The following DUSP1 variants were observed in gnomAD, a reference collection of about 807,000 sequenced individuals.
The protein encoded by DUSP1 is dual specificity protein phosphatase 1.
A neutral mutation model predicts 27.4 loss-of-function variants in DUSP1; 10 were observed. The observed-to-expected ratio is 0.37, with a 90% CI of 0.23 to 0.62. The LOEUF (loss-of-function observed/expected upper bound fraction) is 0.62. DUSP1 is among the 20% of genes least tolerant of loss of function. The pLI, the probability that DUSP1 is intolerant of heterozygous loss-of-function variation, is 0.68. For synonymous variants in DUSP1, 262 were observed against 223.6 expected (o/e 1.17, Z -1.53); for missense variants, 425 against 508.1 (o/e 0.84, Z 1.57).
chr5:172,770,492 G>C, intron 1 of DUSP1, 94 bp downstream of exon 1: 2 of 1,479,742 alleles, frequency 1.4e-6, no homozygotes, highest in Non-Finnish European at 1.8e-6. Context: ...CCCACGCGCT[G>C]CAGGTGGGGC....
At position 172,769,109 on chromosome 5, in the gene DUSP1, T is replaced by C; in HGVS notation, c.757A>G (p.Arg253Gly). The change falls in exon 4 of 4, where the codon AGG becomes GGG. Residue 253 changes from arginine to glycine, a missense_variant. Transcript: ENST00000239223. The part of the protein sequence containing the change: ...FIDSIKNAGG[R>G]VFVHCQAGIS... The stretch of plus-strand genomic sequence containing the variant: ...CCTGCCTGGCAGTGGACAAACACCC[T>C]TCCTCCAGCATTCTTGATGGAGTCT... 1 of 1,610,712 alleles carries C rather than the reference T, an allele frequency of 6.2e-7. No homozygotes were observed. Among genetic ancestry groups the C allele is most frequent in the East Asian group, 2.2e-5 (1 of 44,872 alleles).
intron 3 of DUSP1, 91 bp from the exon 4 acceptor site, chr5:172,769,223 T>C: frequency 2.7e-6 from 4 of 1,508,238 alleles, no homozygotes; most frequent in South Asian, 1.3e-5. Context: ...GTCATGTGTG[T>C]CTTGTCTAGA....
Position 172,769,616 on chromosome 5 carries a change from GCCTTGTGGTTGT to G in DUSP1, c.680_691del (p.Asp227_Lys230del). The G allele has an allele frequency of 6.2e-7, 1 of 1,614,218 alleles. No homozygotes were observed. Among genetic ancestry groups the G allele is most frequent in the Non-Finnish European group, 8.5e-7 (1 of 1,180,022 alleles). ...CTCGTTGAACCAGGAGCTGATGTCTGCCTTGTGGTTGTCCTCCACAGGGATGCTCTTGTACTG... is the reference window on the plus strand; with the variant it reads ...CTCGTTGAACCAGGAGCTGATGTCTGCCTCCACAGGGATGCTCTTGTACTG... On this transcript the variant is annotated inframe_deletion, in exon 3 of 4. Coordinates refer to ENST00000239223, the MANE Select transcript of DUSP1 (RefSeq NM_004417.4).
Position 172,770,629 on chromosome 5 carries a change from C to G in DUSP1, c.324G>C (p.Ala108=). The G allele has an allele frequency of 1.5e-6, 2 of 1,311,292 alleles. No individual in the cohort carries two copies. Among genetic ancestry groups the G allele is most frequent in the Non-Finnish European group, 1.9e-6 (2 of 1,037,564 alleles). 81.2% of individuals were successfully genotyped at this position (1,311,292 alleles called of 1,614,324 possible). The change falls in exon 1 of 4, where the codon GCG becomes GCC. Residue 108 remains alanine (A), a synonymous_variant. Transcript: ENST00000239223. ...RDGTLALAAG[A]LCREARAAQV... is the part of the protein sequence containing the mutation. ...GCGCGGCGCGCGCCTCGCGGCAGAG[C>G]GCGCCGGCCGCCAGGGCCAGGGTGC... is the stretch of plus-strand genomic sequence containing the variant.
chr5:172,770,206 G>A lies in DUSP1; in HGVS notation c.468C>T (p.Ser156=). The A allele has an allele frequency of 6.3e-7, 1 of 1,599,600 alleles. No homozygotes were observed. The highest frequency in any genetic ancestry group is 8.5e-7 in the Non-Finnish European group (1 of 1,175,340). The change falls in exon 2 of 4, where the codon AGC becomes AGT. Residue 156 remains serine, a synonymous_variant. Transcript: ENST00000239223. ...TGCAGGAACTGCACCCAGATTCCGC[G>A]CTGTCAGGGACGCTAGTACTCAGGG... ...SLPLSTSVPD[S]AESGCSSCST...
At position 172,768,817 on chromosome 5, in the gene DUSP1, G is replaced by C. The variant is rs140606584; in HGVS notation, c.1049C>G (p.Thr350Arg). 2.0e-5 allele frequency: 32 copies of C among 1,574,164 alleles called. No individual in the cohort carries two copies. The highest frequency in any genetic ancestry group is 2.8e-5 in the Non-Finnish European group (32 of 1,158,574). The part of the protein sequence containing the change: ...NFPVSIPVHS[T>R]NSALSYLQSP... The stretch of plus-strand genomic sequence containing the variant: ...CTGAAGGTAGCTCAGCGCACTGTTC[G>C]TGGAGTGGACAGGGATGGAGACGGG... The change falls in exon 4 of 4, where the codon ACG (threonine) becomes AGG (arginine). Residue 350 changes from threonine (T) to arginine (R), a missense_variant. Thr to Arg is a moderately conservative substitution (Grantham distance 71). Transcript: ENST00000239223.
At position 172,768,600 on chromosome 5, in the gene DUSP1, G is replaced by T; in HGVS notation, c.*162C>A. 1 of 980,548 alleles carries T rather than the reference G, an allele frequency of 1.0e-6. No homozygotes were observed. Among genetic ancestry groups the T allele is most frequent in the South Asian group, 3.2e-5 (1 of 30,890 alleles). 60.7% of individuals were successfully genotyped at this position (980,548 alleles called of 1,614,324 possible). ...TGCTGAGTTCAGCAAATGTCTTGAC[G>T]CTAAGTCATCACCATAACTGCTTAG... On this transcript the variant is annotated 3_prime_UTR_variant, in exon 4 of 4. Transcript: ENST00000239223.
Position 172,769,742 on chromosome 5 carries a change from G to T in DUSP1, c.566C>A (p.Ala189Asp). The T allele has an allele frequency of 6.2e-7, 1 of 1,614,274 alleles. No individual in the cohort carries two copies. The highest frequency in any genetic ancestry group is 8.5e-7 in the Non-Finnish European group (1 of 1,180,050). ...PFLYLGSAYH[A>D]SRKDMLDALG... The stretch of plus-strand genomic sequence containing the variant: ...GGCATCCAGCATGTCCTTGCGGGAA[G>T]CGTGATACGCACTGCCCAGGTACAG... Residue 189 changes from alanine to aspartate, a missense_variant, in exon 3 of 4, where the codon GCT becomes GAT. Ala to Asp is a moderately radical substitution (Grantham distance 126, BLOSUM62 -2). Around this residue, in one of 3 missense-constraint regions of DUSP1, gnomAD observed 282 missense variants for 319.3 expected, o/e 0.88. Coordinates refer to ENST00000239223, the MANE Select transcript of DUSP1 (RefSeq NM_004417.4).
Position 172,770,697 on chromosome 5 carries a change from G to C in DUSP1, c.256C>G (p.Leu86Val). Residue 86 changes from leucine (L) to valine (V), a missense_variant, in exon 1 of 4, where the codon CTG (leucine) becomes GTG (valine). Leu to Val is a conservative substitution (Grantham distance 32, BLOSUM62 1). Around this residue, in one of 3 missense-constraint regions of DUSP1, gnomAD observed 282 missense variants for 319.3 expected, o/e 0.88. Transcript: ENST00000239223. Reference sequence around the variant, plus strand: ...TCCAGGGCGGCGCTGCGCTCGTCCAGCAACACCACGGCGTGGTAGGCGCCG... The same window carrying C: ...TCCAGGGCGGCGCTGCGCTCGTCCACCAACACCACGGCGTGGTAGGCGCCG... ...LAGAYHAVVL[L>V]DERSAALDGA... 7.3e-7 allele frequency: 1 copy of C among 1,379,292 alleles called. No homozygotes were observed. 85.4% of individuals were successfully genotyped at this position (1,379,292 alleles called of 1,614,324 possible). A position where few individuals can be genotyped will look rare whatever the true frequency, so the allele number is the denominator to read the frequency against.
intron 3 of DUSP1, 125 bp from the exon 4 acceptor site, chr5:172,769,257 A>G (rs1478399392): frequency 1.8e-5 from 25 of 1,405,060 alleles, no homozygotes; most frequent in Non-Finnish European, 2.3e-5. Flanking sequence ...ACCACATGCC[A>G]TCACATGGAT....
At position 172,768,593 on chromosome 5, in the gene DUSP1, T is replaced by C. The variant is rs915293203; in HGVS notation, c.*169A>G. 6.6e-6 allele frequency: 6 copies of C among 913,984 alleles called. No individual in the cohort carries two copies. The African/African-American group carries it at 1.0e-4, about 16-fold the overall frequency. The allele number at this position is 913,984 out of a possible 1,614,324, so 56.6% of individuals were successfully genotyped here. A position where few individuals can be genotyped will look rare whatever the true frequency, so the allele number is the denominator to read the frequency against. Reference sequence around the variant, plus strand: ...CCGAATGTGCTGAGTTCAGCAAATGTCTTGACGCTAAGTCATCACCATAAC... The same window carrying C: ...CCGAATGTGCTGAGTTCAGCAAATGCCTTGACGCTAAGTCATCACCATAAC... On this transcript the variant is annotated 3_prime_UTR_variant, in exon 4 of 4. Transcript: ENST00000239223.
chr5:172,769,754 C>T lies in DUSP1; in HGVS notation c.554G>A (p.Ser185Asn), dbSNP rs1329654880. Reference sequence around the variant, plus strand: ...GTCCTTGCGGGAAGCGTGATACGCACTGCCCAGGTACAGAAAGGGCAGGAT... The same window carrying T: ...GTCCTTGCGGGAAGCGTGATACGCATTGCCCAGGTACAGAAAGGGCAGGAT... ...VEILPFLYLGSAYHASRKDML... is the reference protein window; with the variant it reads ...VEILPFLYLGNAYHASRKDML... Residue 185 changes from serine to asparagine, a missense_variant, in exon 3 of 4, where the codon AGT becomes AAT. By Grantham distance (46) the Ser-to-Asn change is conservative. Around this residue, in one of 3 missense-constraint regions of DUSP1, gnomAD observed 282 missense variants for 319.3 expected, o/e 0.88. Coordinates refer to ENST00000239223, the MANE Select transcript of DUSP1 (RefSeq NM_004417.4). The T allele has an allele frequency of 1.9e-6, 3 of 1,614,248 alleles. No individual in the cohort carries two copies. The highest frequency in any genetic ancestry group is 2.5e-6 in the Non-Finnish European group (3 of 1,180,052).
In DUSP1 at chr5:172,770,314, T is replaced by A; in HGVS notation, c.368-8A>T. 6.2e-7 allele frequency: 1 copy of A among 1,610,376 alleles called. No homozygotes were observed. The highest frequency in any genetic ancestry group is 1.1e-5 in the South Asian group (1 of 90,532). On this transcript the variant is annotated splice_polypyrimidine_tract_variant and splice_region_variant and intron_variant, in intron 1 of 3. Coordinates refer to ENST00000239223, the MANE Select transcript of DUSP1 (RefSeq NM_004417.4). ...AAAACGCTTCGTATCCTCCTGGGAATACAAAGACATTTTTTTTCCCCATTA... is the reference window on the plus strand; with the variant it reads ...AAAACGCTTCGTATCCTCCTGGGAAAACAAAGACATTTTTTTTCCCCATTA...
At position 172,769,663 on chromosome 5, in the gene DUSP1, C is replaced by A; in HGVS notation, c.645G>T (p.Glu215Asp). 6.2e-7 allele frequency: 1 copy of A among 1,614,260 alleles called. No individual in the cohort carries two copies. Among genetic ancestry groups the A allele is most frequent in the Non-Finnish European group, 8.5e-7 (1 of 1,180,048 alleles). The change falls in exon 3 of 4, where the codon GAG (glutamate) becomes GAT (aspartate). Residue 215 changes from glutamate to aspartate, a missense_variant. Physicochemically the swap from Glu to Asp is conservative, Grantham distance 45. This residue lies in a region of DUSP1 where 282 missense variants were observed against 319.3 expected (regional missense o/e 0.88). Coordinates refer to ENST00000239223, the MANE Select transcript of DUSP1 (RefSeq NM_004417.4). Reference protein sequence around the residue: ...NVSANCPNHFEGHYQYKSIPV... With the variant: ...NVSANCPNHFDGHYQYKSIPV... The stretch of plus-strand genomic sequence containing the variant: ...GGATGCTCTTGTACTGGTAGTGACC[C>A]TCAAAATGGTTGGGACAATTGGCTG...
rs1388341855 is a variant in DUSP1 at position 172,769,112 on chromosome 5, C to T, written c.754G>A (p.Gly252Arg). The T allele has an allele frequency of 6.2e-7, 1 of 1,609,430 alleles. No individual in the cohort carries two copies. The highest frequency in any genetic ancestry group is 8.5e-7 in the Non-Finnish European group (1 of 1,179,254). Reference protein sequence around the residue: ...DFIDSIKNAGGRVFVHCQAGI... With the variant: ...DFIDSIKNAGRRVFVHCQAGI... The stretch of plus-strand genomic sequence containing the variant: ...GCCTGGCAGTGGACAAACACCCTTC[C>T]TCCAGCATTCTTGATGGAGTCTGGA... Residue 252 changes from glycine (G) to arginine (R), a missense_variant, in exon 4 of 4, where the codon GGA (glycine) becomes AGA (arginine). By Grantham distance (125) the Gly-to-Arg change is moderately radical (BLOSUM62 -2). Transcript: ENST00000239223.
In DUSP1 at chr5:172,769,147, G is replaced by C; in HGVS notation, c.734-15C>G. The C allele has an allele frequency of 6.3e-7, 1 of 1,593,608 alleles. No homozygotes were observed. The highest frequency in any genetic ancestry group is 1.1e-5 in the South Asian group (1 of 90,074). ...CTTGATGGAGTCTGGAAAACCAAAG[G>C]AGCGGCTGGTTACTTGAGAGTTCAG... On this transcript the variant is annotated splice_polypyrimidine_tract_variant and intron_variant, in intron 3 of 3. Transcript: ENST00000239223.
Position 172,768,945 on chromosome 5 carries a change from C to T in DUSP1, c.921G>A (p.Gln307=), listed in dbSNP as rs376856024. The T allele has an allele frequency of 6.2e-7, 1 of 1,614,238 alleles. No individual in the cohort carries two copies. The highest frequency in any genetic ancestry group is 2.2e-5 in the East Asian group (1 of 44,890). The change falls in exon 4 of 4, where the codon CAG becomes CAA. Residue 307 remains glutamine (Q), a synonymous_variant. Coordinates refer to ENST00000239223, the MANE Select transcript of DUSP1 (RefSeq NM_004417.4). ...GCGGAGCCAGCACCTGGGACTCAAA[C>T]TGCAGCAGCTGGCCCATGAAGCTGA... ...PNFSFMGQLL[Q]FESQVLAPHC...
Position 172,771,147 on chromosome 5 carries a change from C to G in DUSP1, c.-195G>C. 2.9e-6 allele frequency: 2 copies of G among 689,006 alleles called. No homozygotes were observed. The highest frequency in any genetic ancestry group is 4.2e-6 in the Non-Finnish European group (2 of 475,094). 42.7% of individuals were successfully genotyped at this position (689,006 alleles called of 1,614,324 possible). A position where few individuals can be genotyped will look rare whatever the true frequency, so the allele number is the denominator to read the frequency against. On this transcript the variant is annotated 5_prime_UTR_variant, in exon 1 of 4. Coordinates refer to ENST00000239223, the MANE Select transcript of DUSP1 (RefSeq NM_004417.4). ...CTCCTCGGCTTCTTCGCGGTTCCCC[C>G]GACTGCCCCTCCGACCCGCGTCGCA...
Position 172,768,983 on chromosome 5 carries a change from T to A in DUSP1, c.883A>T (p.Ile295Phe), listed in dbSNP as rs1388991667. 1 of 1,614,220 alleles carries A rather than the reference T, an allele frequency of 6.2e-7. No individual in the cohort carries two copies. The highest frequency in any genetic ancestry group is 8.5e-7 in the Non-Finnish European group (1 of 1,180,030). The change falls in exon 4 of 4, where the codon ATC (isoleucine) becomes TTC (phenylalanine). Residue 295 changes from isoleucine (I) to phenylalanine (F), a missense_variant. Coordinates refer to ENST00000239223, the MANE Select transcript of DUSP1 (RefSeq NM_004417.4). ...FEFVKQRRSI[I>F]SPNFSFMGQL... ...CCCATGAAGCTGAAGTTGGGAGAGATGATGCTTCGCCTCTGCTTCACAAAC... is the reference window on the plus strand; with the variant it reads ...CCCATGAAGCTGAAGTTGGGAGAGAAGATGCTTCGCCTCTGCTTCACAAAC...
Sources: gnomAD v4.1 joint callset for allele counts on GRCh38, gnomAD v4.1.1 for gene constraint, gnomAD v4.1.1 regional missense constraint, MANE v1.5 for transcripts, NCBI Gene and HGNC (gene_info 2026-07-23, HGNC 2026-07-21) for gene names.